NRXN3: variants seen among roughly 807,000 people sequenced by gnomAD.
NRXN3 encodes neurexin III.
Under a neutral mutation model 137.6 loss-of-function variants are expected in NRXN3, and 32 were observed. That is an observed-to-expected ratio of 0.23 (90% CI 0.18 to 0.31). The LOEUF is 0.31. NRXN3 is among the 10% of genes least tolerant of loss of function. The pLI is 1.00. For missense variants in NRXN3, 1,574 were observed against 2,062.5 expected (o/e 0.76, Z 4.59); for synonymous variants, 798 against 784.5 (o/e 1.02, Z -0.29).
chr14:79,243,641 C>T (rs1371294069), intron 15 of NRXN3, among the ~76,000 whole-genome samples: 1 of 152,060 alleles, frequency 6.6e-6, no homozygotes, highest in Non-Finnish European at 1.5e-5. Flanking sequence ...TAGCCTGTTG[C>T]TATATGGTAC....
At chr14:78,398,731 C>T (rs186124835) in intron 4 of NRXN3, among the ~76,000 whole-genome samples, 272 of 152,220 alleles carry the variant, frequency 1.8e-3, no homozygotes, top group African/African-American at 5.3e-3. Context: ...GACATAACCC[C>T]GAGGGGATGG....
intron 15 of NRXN3, among the ~76,000 whole-genome samples, chr14:78,994,670 A>G (rs1027906596): frequency 1.3e-5 from 2 of 152,244 alleles, no homozygotes; most frequent in East Asian, 3.8e-4. Flanking sequence ...TGGCTCTAGA[A>G]TCAAACTGCT....
At chr14:78,826,835 C>T (rs1431854359) in intron 10 of NRXN3, among the ~76,000 whole-genome samples, 1 of 152,102 alleles carries the variant, frequency 6.6e-6, no homozygotes, top group African/African-American at 2.4e-5. Flanking sequence ...ATTTGGTATC[C>T]TATGAACTAT....
chr14:79,504,655 G>GTATATATATATA lies in NRXN3; in HGVS notation c.3444+37262_3444+37273dup, dbSNP rs994714026. On this transcript the variant is annotated intron_variant, in intron 16 of 20. Coordinates refer to ENST00000335750, the MANE Select transcript of NRXN3 (RefSeq NM_001330195.2). ...AATGAAGTTTTTTATATATATATAT[G>GTATATATATATA]TATATATATATATATATATAAAACA... 7.4e-4 allele frequency among the ~76,000 whole-genome samples: 77 copies of GTATATATATATA among 104,224 alleles called. 1 individual carries two copies. The highest frequency in any genetic ancestry group is 2.2e-3 in the African/African-American group (65 of 29,192). 68.4% of individuals were successfully genotyped at this position (104,224 alleles called of 152,430 possible). A position where few individuals can be genotyped will look rare whatever the true frequency, so the allele number is the denominator to read the frequency against.
chr14:79,346,281 A>T (rs1022686623), intron 15 of NRXN3, among the ~76,000 whole-genome samples: 1 of 152,078 alleles, frequency 6.6e-6, no homozygotes, highest in African/African-American at 2.4e-5. Flanking sequence ...AATTAGCTGG[A>T]TGTGGTGGTG....
chr14:78,291,348 C>T (rs1257186654), intron 3 of NRXN3, among the ~76,000 whole-genome samples: 2 of 152,168 alleles, frequency 1.3e-5, no homozygotes, highest in Non-Finnish European at 2.9e-5. Context: ...AGCCATGTCT[C>T]GTCTGTGATA....
rs77948650 is a variant in NRXN3 at position 78,442,638 on chromosome 14, G to A, written c.757+144778G>A. On this transcript the variant is annotated intron_variant, in intron 4 of 20. Transcript: ENST00000335750. Reference sequence around the variant, plus strand: ...GGAAGAAAACAAAATACCAGCATGAGGAACCTGTACCCTTCCTTCCAGATT... The same window carrying A: ...GGAAGAAAACAAAATACCAGCATGAAGAACCTGTACCCTTCCTTCCAGATT... Among the ~76,000 whole-genome samples, 959 of 152,290 alleles carry A rather than the reference G, an allele frequency of 6.3e-3. 9 individuals are homozygous for A. The highest frequency in any genetic ancestry group is 0.022 in the African/African-American group (902 of 41,566).
At chr14:79,557,020 A>G (rs2097436436) in intron 16 of NRXN3, among the ~76,000 whole-genome samples, 1 of 151,892 alleles carries the variant, frequency 6.6e-6, no homozygotes, top group Non-Finnish European at 1.5e-5. Context: ...CCACACAATT[A>G]GCAAACTTAA....
At chr14:78,493,627 A>T (rs1481139005) in intron 4 of NRXN3, among the ~76,000 whole-genome samples, 1 of 152,122 alleles carries the variant, frequency 6.6e-6, no homozygotes, top group Non-Finnish European at 1.5e-5. Flanking sequence ...CTTTAGGGGA[A>T]AGTTGTGGTT....
At chr14:78,524,369 T>C (rs995671737) in intron 4 of NRXN3, among the ~76,000 whole-genome samples, 6 of 152,222 alleles carry the variant, frequency 3.9e-5, no homozygotes, top group African/African-American at 1.4e-4. Context: ...TTCTATAGCA[T>C]GTGTATGTCT....
At chr14:78,944,480 G>A (rs1261058276) in intron 10 of NRXN3, among the ~76,000 whole-genome samples, 1 of 152,222 alleles carries the variant, frequency 6.6e-6, no homozygotes, top group Non-Finnish European at 1.5e-5. Flanking sequence ...GACCTGATTT[G>A]TAAATAGTGT....
chr14:78,284,329 C>G (rs1414820702), intron 3 of NRXN3, among the ~76,000 whole-genome samples: 5 of 152,218 alleles, frequency 3.3e-5, no homozygotes, highest in African/African-American at 9.6e-5. Flanking sequence ...CTTGCCTTTG[C>G]TTCAAGTTGT....
At chr14:79,391,384 T>C (rs1599625501) in intron 15 of NRXN3, among the ~76,000 whole-genome samples, 3 of 152,298 alleles carry the variant, frequency 2.0e-5, no homozygotes, top group South Asian at 2.1e-4. Flanking sequence ...GGAGAAACTC[T>C]TGGACAGCCT....
chr14:78,638,406 CT>C (rs2097584755), intron 4 of NRXN3, among the ~76,000 whole-genome samples: 3 of 152,310 alleles, frequency 2.0e-5, no homozygotes, highest in Admixed American at 2.0e-4. Flanking sequence ...GGCTCTGCAG[CT>C]TGATCTCTCT....
rs142391075 is a variant in NRXN3, at chr14:78,569,352, G to A, written c.758-75768G>A. On this transcript the variant is annotated intron_variant, in intron 4 of 20. Coordinates refer to ENST00000335750, the MANE Select transcript of NRXN3 (RefSeq NM_001330195.2). ...GTGGTCTCGGCTCACTGCAAGCTCC[G>A]CCTCCCGGGTTCACGCCATTCTCCT... 3.5e-3 allele frequency among the ~76,000 whole-genome samples: 515 copies of A among 148,140 alleles called. 9 individuals are homozygous for A. The East Asian group carries it at 0.063, about 18-fold the overall frequency.
At chr14:79,024,030 C>T (rs1282958798) in intron 15 of NRXN3, among the ~76,000 whole-genome samples, 1 of 151,930 alleles carries the variant, frequency 6.6e-6, no homozygotes, top group East Asian at 1.9e-4. Flanking sequence ...GGAATCAATC[C>T]ATTCCATCCC....
chr14:79,782,057 T>C (rs1431513945), intron 19 of NRXN3, among the ~76,000 whole-genome samples: 1 of 152,156 alleles, frequency 6.6e-6, no homozygotes, highest in Admixed American at 6.5e-5. Flanking sequence ...AACCTTTGGA[T>C]TCTTTCCACA....
chr14:79,011,556 T>G (rs368471059), intron 15 of NRXN3, among the ~76,000 whole-genome samples: 14 of 152,096 alleles, frequency 9.2e-5, no homozygotes, highest in Admixed American at 2.0e-4. Flanking sequence ...TTTGAAAATT[T>G]TGGACACTCC....
In NRXN3 at chr14:79,801,464, TTTGA is replaced by T. The variant is rs754717980; in HGVS notation, c.4015-3643_4015-3640del. Among the ~76,000 whole-genome samples, 7 of 152,316 alleles carry T rather than the reference TTTGA, an allele frequency of 4.6e-5. No individual in the cohort carries two copies. The South Asian group carries it at 8.3e-4, about 18-fold the overall frequency. On this transcript the variant is annotated intron_variant, in intron 19 of 20. Transcript: ENST00000335750. ...GAGTGGCTATCAGGCTTGGAATTAC[TTTGA>T]TTGAGAGGCTGATGTTGATTAATTG...
Sources: allele counts gnomAD v4.1 joint callset (sites outside exome capture counted in the v4.1 genomes callset), GRCh38; gene constraint gnomAD v4.1.1; transcripts MANE v1.5; gene names NCBI Gene and HGNC (gene_info 2026-07-23, HGNC 2026-07-21).